DCLK2: variants seen among roughly 807,000 people sequenced by gnomAD.
DCLK2 encodes the protein doublecortin like kinase 2.
DCLK2 carries 31 observed loss-of-function variants against 78.4 expected under a neutral mutation model. The observed-to-expected ratio is 0.40, with a 90% CI of 0.30 to 0.53. DCLK2 has a LOEUF of 0.53. Ranked by LOEUF, DCLK2 falls within the 20% of genes least tolerant of loss-of-function variation. The pLI, the probability that DCLK2 is intolerant of heterozygous loss-of-function variation, is 0.61. For synonymous variants in DCLK2, 407 were observed against 374.9 expected, an observed-to-expected ratio of 1.09 and a Z score of -0.99; for missense variants, 872 against 973.7, an observed-to-expected ratio of 0.90 and a Z score of 1.39.
At chr4:150,120,321 G>C (rs1303297033) in intron 2 of DCLK2, among the ~76,000 whole-genome samples, 1 of 152,154 alleles carries the variant, frequency 6.6e-6, no homozygotes, top group African/African-American at 2.4e-5. Flanking sequence ...TATGTGACCA[G>C]CTAGTTTGCG....
At chr4:150,147,347 A>G (rs1734555661) in intron 2 of DCLK2, among the ~76,000 whole-genome samples, 1 of 152,144 alleles carries the variant, frequency 6.6e-6, no homozygotes, top group Admixed American at 6.6e-5. Flanking sequence ...GTACACTGTA[A>G]GGCAGCAAGT....
chr4:150,190,428 A>T (rs540879570), intron 2 of DCLK2, among the ~76,000 whole-genome samples: 1 of 152,340 alleles, frequency 6.6e-6, no homozygotes, highest in East Asian at 1.9e-4. Context: ...TGAAAAAATG[A>T]ACAAAATATT....
chr4:150,174,701 A>T (rs1385536028), intron 2 of DCLK2, among the ~76,000 whole-genome samples: 4 of 151,926 alleles, frequency 2.6e-5, no homozygotes, highest in East Asian at 1.9e-4. Flanking sequence ...GACGGTACTT[A>T]AAAAAATACA....
chr4:150,254,985 G>A (rs1396050708), intron 15 of DCLK2, among the ~76,000 whole-genome samples: 2 of 152,172 alleles, frequency 1.3e-5, no homozygotes, highest in Non-Finnish European at 2.9e-5. Context: ...GCCAGAAATG[G>A]ATGACTGTTC....
rs1334819321 is a variant in DCLK2 at position 150,232,671 on chromosome 4, G to A, written c.1420-11G>A. 3 of 1,613,092 alleles carry A rather than the reference G, an allele frequency of 1.9e-6. No individual in the cohort carries two copies. Among genetic ancestry groups the A allele is most frequent in the Non-Finnish European group, 2.5e-6 (3 of 1,179,300 alleles). On this transcript the variant is annotated splice_polypyrimidine_tract_variant and intron_variant, in intron 9 of 15. Transcript: ENST00000296550. The stretch of plus-strand genomic sequence containing the variant: ...TTGATGCTTTGATATGTTCTTTTAT[G>A]TATCGTTTAGGGTGGAGATCTCTTT...
At chr4:150,153,936 C>T (rs924399268) in intron 2 of DCLK2, among the ~76,000 whole-genome samples, 3 of 152,078 alleles carry the variant, frequency 2.0e-5, no homozygotes, top group African/African-American at 7.2e-5. Flanking sequence ...CAGCATAGGT[C>T]CGGGTTCCAT....
chr4:150,080,117 C>CCCCA (rs1294055267), intron 1 of DCLK2, among the ~76,000 whole-genome samples: 1 of 150,522 alleles, frequency 6.6e-6, no homozygotes, highest in Non-Finnish European at 1.5e-5. Flanking sequence ...AAAAGCCCCC[C>CCCCA]CCCCAGGTGA....
intron 4 of DCLK2, 24 bp downstream of exon 4, chr4:150,198,127 TG>T (rs778357208): frequency 8.2e-6 from 13 of 1,586,904 alleles, no homozygotes; most frequent in African/African-American, 1.3e-5. Flanking sequence ...AAGGAATAGA[TG>T]GTCATAGCAG....
At chr4:150,140,370 G>T (rs530090374) in intron 2 of DCLK2, among the ~76,000 whole-genome samples, 14 of 152,212 alleles carry the variant, frequency 9.2e-5, no homozygotes, top group African/African-American at 3.4e-4. Context: ...CCCCCAGCAA[G>T]CATGGAGGCT....
Position 150,190,238 on chromosome 4 carries a change from GATAGATA to G in DCLK2, c.757-2899_757-2893del, listed in dbSNP as rs1560850768. 3.6e-4 allele frequency among the ~76,000 whole-genome samples: 9 copies of G among 24,760 alleles called. No individual in the cohort carries two copies. The East Asian group carries it at 0.022, about 60-fold the overall frequency. 16.2% of individuals were successfully genotyped at this position (24,760 alleles called of 152,430 possible). On this transcript the variant is annotated intron_variant, in intron 2 of 15. Transcript: ENST00000296550. ...AGATAGATGGATAGATGGATAGTTA[GATAGATA>G]GATAGATAGATAGATAGATAGATAG...
chr4:150,080,373 A>G (rs1314310920), intron 1 of DCLK2, among the ~76,000 whole-genome samples: 7 of 152,172 alleles, frequency 4.6e-5, no homozygotes, highest in African/African-American at 1.7e-4. Flanking sequence ...AATTCCTGCA[A>G]TACGTATGCC....
At chr4:150,177,890 G>A (rs561129140) in intron 2 of DCLK2, among the ~76,000 whole-genome samples, 1 of 152,272 alleles carries the variant, frequency 6.6e-6, no homozygotes, top group South Asian at 2.1e-4. Context: ...AATTGTCCTG[G>A]GTTGGTGGGG....
intron 8 of DCLK2, among the ~76,000 whole-genome samples, chr4:150,231,558 A>G (rs1742063015): frequency 1.3e-5 from 2 of 152,324 alleles, no homozygotes; most frequent in East Asian, 1.9e-4. Context: ...AAACACAGCA[A>G]TCATTGTTCA....
chr4:150,256,595 G>A lies in DCLK2; in HGVS notation c.*348G>A. On this transcript the variant is annotated 3_prime_UTR_variant, in exon 16 of 16. Coordinates refer to ENST00000296550, the MANE Select transcript of DCLK2 (RefSeq NM_001040260.4). ...TTCCAGCATTCGATGCATTTTTATA[G>A]AAACACTTTGGAAACACTTTGGATG... The A allele has an allele frequency of 4.1e-6, 1 of 244,676 alleles. No individual in the cohort carries two copies. Among genetic ancestry groups the A allele is most frequent in the Admixed American group, 5.3e-5 (1 of 18,702 alleles). 15.2% of individuals were successfully genotyped at this position (244,676 alleles called of 1,614,324 possible).
chr4:150,129,061 CTA>C (rs1166689347), intron 2 of DCLK2, among the ~76,000 whole-genome samples: 2 of 152,102 alleles, frequency 1.3e-5, no homozygotes, highest in Non-Finnish European at 2.9e-5. Flanking sequence ...CCTGACATAA[CTA>C]TTCATTATCT....
chr4:150,152,441 C>T (rs538010221), intron 2 of DCLK2, among the ~76,000 whole-genome samples: 1 of 152,126 alleles, frequency 6.6e-6, no homozygotes, highest in African/African-American at 2.4e-5. Context: ...ACCACCACAC[C>T]CAGCTAATTT....
intron 2 of DCLK2, among the ~76,000 whole-genome samples, chr4:150,143,897 G>GC (rs1734272432): frequency 6.8e-6 from 1 of 146,794 alleles, no homozygotes; most frequent in African/African-American, 2.5e-5. Flanking sequence ...TAATAGGATT[G>GC]TTTTTTTTTT....
chr4:150,245,925 A>G lies in DCLK2; in HGVS notation c.1779-1678A>G, dbSNP rs182904611. Reference sequence around the variant, plus strand: ...TTACTGGGTATATACCCAAAGGATTATAAATCATGCTTCTATAAAGACACA... The same window carrying G: ...TTACTGGGTATATACCCAAAGGATTGTAAATCATGCTTCTATAAAGACACA... On this transcript the variant is annotated intron_variant, in intron 12 of 15. Coordinates refer to ENST00000296550, the MANE Select transcript of DCLK2 (RefSeq NM_001040260.4). 6.2e-3 allele frequency among the ~76,000 whole-genome samples: 946 copies of G among 152,348 alleles called. 10 individuals are homozygous for G. Among genetic ancestry groups the G allele is most frequent in the African/African-American group, 0.02 (828 of 41,584 alleles).
chr4:150,169,053 C>A (rs140530845), intron 2 of DCLK2, among the ~76,000 whole-genome samples: 3 of 151,632 alleles, frequency 2.0e-5, no homozygotes, highest in African/African-American at 4.8e-5. Flanking sequence ...CCCCTCCCCA[C>A]CCCCCGTAAT....
Sources: gnomAD v4.1 joint callset for allele counts (sites outside exome capture counted in the v4.1 genomes callset) on GRCh38, gnomAD v4.1.1 for gene constraint, MANE v1.5 for transcripts, NCBI Gene and HGNC (gene_info 2026-07-23, HGNC 2026-07-21) for gene names.